SPARCL1: variants seen among roughly 807,000 people sequenced by gnomAD.
SPARCL1 encodes SPARC like 1, also known as SPARC-like protein 1.
A neutral mutation model predicts 67.1 loss-of-function variants in SPARCL1; 52 were observed. The ratio of observed to expected loss-of-function variants is 0.78; its 90% confidence interval spans 0.62 to 0.98. The LOEUF (loss-of-function observed/expected upper bound fraction) is 0.98, where lower values mean the gene tolerates loss of function less well. SPARCL1 is among the 50% of genes least tolerant of loss of function. The pLI is 0.00. For synonymous variants in SPARCL1, 226 were observed against 267.8 expected (o/e 0.84, Z 1.52); for missense variants, 717 against 782.4 (o/e 0.92, Z 1.00).
At chr4:87,504,987 ACATGGAGCAACCTCCCC>A (rs930412577) in intron 1 of SPARCL1, 21 of 152,194 alleles carry the variant, frequency 1.4e-4, no homozygotes, top group African/African-American at 5.1e-4. Context: ...TTAAGTAAAA[ACATGGAGCAACCTCCCC>A]CCGCTGCCCC....
chr4:87,508,915 T>TA (rs890142926), intron 1 of SPARCL1, among the ~76,000 whole-genome samples: 16 of 118,132 alleles, frequency 1.4e-4, no homozygotes, highest in Non-Finnish European at 2.9e-4. Context: ...ATAGTATACA[T>TA]ATGTGTATAT....
chr4:87,527,267 T>G (rs2110273526), intron 1 of SPARCL1, among the ~76,000 whole-genome samples: 1 of 152,310 alleles, frequency 6.6e-6, no homozygotes, highest in African/African-American at 2.4e-5. Flanking sequence ...TGGTTGGACA[T>G]CTCTCAGGAA....
chr4:87,473,494 C>G lies in SPARCL1; in HGVS notation c.*281G>C. ...TTAATAGTTTAATCATTAATTATCT[C>G]ATAAGTCAATGCAGAGAGTGAAATT... On this transcript the variant is annotated 3_prime_UTR_variant, in exon 11 of 11. Transcript: ENST00000282470. The G allele has an allele frequency of 3.5e-6, 1 of 288,576 alleles. No individual in the cohort carries two copies. The highest frequency in any genetic ancestry group is 6.4e-6 in the Non-Finnish European group (1 of 156,828). The allele number at this position is 288,576 out of a possible 1,614,324, so 17.9% of individuals were successfully genotyped here. A position where few individuals can be genotyped will look rare whatever the true frequency, so the allele number is the denominator to read the frequency against.
chr4:87,528,213 T>G (rs1016447519), intron 1 of SPARCL1: 1 of 151,882 alleles, frequency 6.6e-6, no homozygotes, highest in Admixed American at 6.6e-5. Context: ...TTTTTTTCTC[T>G]TGCAGAGTGA....
At chr4:87,503,916 C>A (rs1014492959) in intron 1 of SPARCL1, among the ~76,000 whole-genome samples, 1 of 151,806 alleles carries the variant, frequency 6.6e-6, no homozygotes, top group Non-Finnish European at 1.5e-5. Flanking sequence ...CTGGCCTCAA[C>A]TGGTCCACCT....
At chr4:87,477,635 G>A (rs551848820) in intron 10 of SPARCL1, among the ~76,000 whole-genome samples, 3 of 152,300 alleles carry the variant, frequency 2.0e-5, no homozygotes, top group South Asian at 4.1e-4. Context: ...AGGCCTACAC[G>A]ATGGGATACT....
At chr4:87,504,323 G>C (rs1303225131) in intron 1 of SPARCL1, among the ~76,000 whole-genome samples, 1 of 152,016 alleles carries the variant, frequency 6.6e-6, no homozygotes, top group Non-Finnish European at 1.5e-5. Context: ...ATTCTTCTAA[G>C]TGATCCTTCT....
intron 7 of SPARCL1, among the ~76,000 whole-genome samples, chr4:87,488,939 C>A (rs965204588): frequency 3.3e-5 from 5 of 152,300 alleles, no homozygotes; most frequent in South Asian, 2.1e-4. Flanking sequence ...GCCCCTCCCC[C>A]CCACCAAACT....
intron 1 of SPARCL1, among the ~76,000 whole-genome samples, chr4:87,502,737 G>A (rs1724903110): frequency 6.6e-6 from 1 of 152,094 alleles, no homozygotes; most frequent in Non-Finnish European, 1.5e-5. Context: ...AATGTCTGAT[G>A]TATTTGGCTG....
At position 87,493,794 on chromosome 4, in the gene SPARCL1, C is replaced by T. The variant is rs1416599051; in HGVS notation, c.1006G>A (p.Gly336Arg). 8.1e-6 allele frequency: 13 copies of T among 1,614,102 alleles called. 1 individual carries two copies. The South Asian group carries it at 1.3e-4, about 16-fold the overall frequency. Reference sequence around the variant, plus strand: ...TCATCATCGCCATCATCATCAACTCCATGATTTCTGGGCGTGGTATTACCA... The same window carrying T: ...TCATCATCGCCATCATCATCAACTCTATGATTTCTGGGCGTGGTATTACCA... ...DDGNTTPRNH[G>R]VDDDGDDDGD... The change falls in exon 4 of 11, where the codon GGA becomes AGA. Residue 336 changes from glycine to arginine, a missense_variant. By Grantham distance (125) the Gly-to-Arg change is moderately radical (BLOSUM62 -2). Transcript: ENST00000282470.
intron 1 of SPARCL1, among the ~76,000 whole-genome samples, chr4:87,515,198 G>T (rs898943074): frequency 6.6e-6 from 1 of 152,184 alleles, no homozygotes; most frequent in South Asian, 2.1e-4. Context: ...CAGTTGGTAC[G>T]GAACTGGAAG....
At position 87,493,700 on chromosome 4, in the gene SPARCL1, G is replaced by A; in HGVS notation, c.1100C>T (p.Ala367Val). Residue 367 changes from alanine to valine, a missense_variant, in exon 4 of 11, where the codon GCC becomes GTC. Ala to Val is a moderately conservative substitution (Grantham distance 64). Transcript: ENST00000282470. ...ASDDYFIPSQ[A>V]FLEAERAQSI... ...TTGAGCTCTCTCGGCCTCCAGAAAG[G>A]CCTGGCTTGGGATGAAGTAGTCATC... 3.7e-6 allele frequency: 6 copies of A among 1,614,098 alleles called. No homozygotes were observed. The highest frequency in any genetic ancestry group is 4.2e-6 in the Non-Finnish European group (5 of 1,180,014).
intron 2 of SPARCL1, among the ~76,000 whole-genome samples, chr4:87,497,863 TC>T (rs1362372481): frequency 6.6e-6 from 1 of 152,158 alleles, no homozygotes; most frequent in Non-Finnish European, 1.5e-5. Context: ...TAAGGGATCC[TC>T]CCTCCTGTGC....
chr4:87,507,649 A>G (rs2110246419), intron 1 of SPARCL1, among the ~76,000 whole-genome samples: 1 of 152,324 alleles, frequency 6.6e-6, no homozygotes, highest in South Asian at 2.1e-4. Flanking sequence ...CATGCAAGCA[A>G]TCAACTCTGC....
At chr4:87,503,968 A>C (rs1169744522) in intron 1 of SPARCL1, among the ~76,000 whole-genome samples, 3 of 151,966 alleles carry the variant, frequency 2.0e-5, no homozygotes, top group Non-Finnish European at 4.4e-5. Flanking sequence ...GTTTTTATTG[A>C]AGAAAACAGG....
intron 1 of SPARCL1, among the ~76,000 whole-genome samples, chr4:87,516,810 C>T (rs142568988): frequency 2.9e-3 from 440 of 152,266 alleles, no homozygotes; most frequent in African/African-American, 0.01. Flanking sequence ...TTTAGAGGAT[C>T]CCCCAGGCTT....
intron 1 of SPARCL1, among the ~76,000 whole-genome samples, chr4:87,519,943 A>C (rs1388404257): frequency 6.6e-6 from 1 of 152,042 alleles, no homozygotes; most frequent in Non-Finnish European, 1.5e-5. Context: ...GGATATCACA[A>C]AGGTAGCAGA....
intron 7 of SPARCL1, among the ~76,000 whole-genome samples, chr4:87,486,134 T>C (rs542363750): frequency 5.3e-5 from 8 of 152,300 alleles, no homozygotes; most frequent in African/African-American, 1.9e-4. Context: ...CTCTTGCTTC[T>C]CTAGTTCTTT....
intron 1 of SPARCL1, among the ~76,000 whole-genome samples, chr4:87,518,160 G>T (rs1725660619): frequency 6.6e-6 from 1 of 152,182 alleles, no homozygotes; most frequent in African/African-American, 2.4e-5. Flanking sequence ...AAAGTTCTTT[G>T]AAAATAGGGT....
Sources: allele counts gnomAD v4.1 joint callset (sites outside exome capture counted in the v4.1 genomes callset), GRCh38; gene constraint gnomAD v4.1.1; transcripts MANE v1.5; gene names NCBI Gene and HGNC (gene_info 2026-07-23, HGNC 2026-07-21).